The following AMD1 variants were observed in gnomAD, a reference collection of about 807,000 sequenced individuals.
AMD1 encodes S-adenosylmethionine decarboxylase proenzyme.
A neutral mutation model predicts 40.2 loss-of-function variants in AMD1; 11 were observed. The observed-to-expected ratio is 0.27, with a 90% CI of 0.17 to 0.45. The LOEUF is 0.45. Ranked by LOEUF, AMD1 falls within the 20% of genes least tolerant of loss-of-function variation. The pLI is 1.00. For synonymous variants in AMD1, 121 were observed against 130.8 expected (o/e 0.93, Z 0.51); for missense variants, 257 against 410.2 (o/e 0.63, Z 3.23).
At chr6:110,814,853 G>C in the AMD1 span, 2 of 951,986 alleles carry the variant, frequency 2.1e-6, no homozygotes, top group Non-Finnish European at 1.6e-6. Flanking sequence ...CGGGCGGAAC[G>C]GGCGCCCCTC....
chr6:110,889,687 T>A (rs2665362), intron 3 of AMD1: 140,013 of 152,320 alleles, frequency 0.92, 64,649 homozygotes, highest in African/African-American at 0.98. Context: ...ACCTCAGGTG[T>A]TCCACCCACC....
the AMD1 span, among the ~76,000 whole-genome samples, chr6:110,856,842 T>G: frequency 0.01 from 1,526 of 152,242 alleles, 28 homozygotes; most frequent in African/African-American, 0.035. Context: ...GATTTGTGTG[T>G]GGCACATATA....
chr6:110,889,114 C>T (rs1785870847), intron 3 of AMD1, 131 bp downstream of exon 3: 3 of 1,033,112 alleles, frequency 2.9e-6, no homozygotes, highest in Non-Finnish European at 2.7e-6. Context: ...GTAAGGTGTT[C>T]ATACCTTAGG....
the AMD1 span, chr6:110,814,911 T>C: frequency 6.5e-7 from 1 of 1,531,172 alleles, no homozygotes; most frequent in Non-Finnish European, 8.9e-7. Flanking sequence ...GCCTCGCCCC[T>C]CGGGCACGGC....
chr6:110,880,097 A>G (rs1785320218), intron 1 of AMD1, among the ~76,000 whole-genome samples: 1 of 152,068 alleles, frequency 6.6e-6, no homozygotes, highest in Admixed American at 6.6e-5. Flanking sequence ...TGGGTACTAC[A>G]GGTATGCACC....
chr6:110,888,777 A>G, intron 2 of AMD1, 80 bp from the exon 3 acceptor site: 1 of 1,422,574 alleles, frequency 7.0e-7, no homozygotes, highest in South Asian at 1.4e-5. Flanking sequence ...CCAAAATTGT[A>G]AATGATAATT....
the AMD1 span, among the ~76,000 whole-genome samples, chr6:110,837,642 C>G: frequency 7.5e-6 from 1 of 133,680 alleles, no homozygotes; most frequent in African/African-American, 2.8e-5. Flanking sequence ...ACTCAGGAGG[C>G]GGAGGTTGCA....
the AMD1 span, among the ~76,000 whole-genome samples, chr6:110,839,891 G>A: frequency 3.9e-5 from 6 of 152,086 alleles, no homozygotes; most frequent in African/African-American, 1.4e-4. Flanking sequence ...AACATGGCTG[G>A]GAAATGAGGT....
At chr6:110,875,316 G>T (rs1216687131) in intron 1 of AMD1, 101 bp downstream of exon 1, 1 of 998,682 alleles carries the variant, frequency 1.0e-6, no homozygotes, top group Non-Finnish European at 1.5e-6. Flanking sequence ...GCTTTCAGTT[G>T]GGGGCAAGTC....
intron 1 of AMD1, among the ~76,000 whole-genome samples, chr6:110,875,791 A>G (rs539099741): frequency 6.6e-6 from 1 of 151,706 alleles, no homozygotes; most frequent in East Asian, 2.0e-4. Flanking sequence ...CGCGGGCAGC[A>G]TGTGGCGTTC....
chr6:110,892,154 T>C lies in AMD1; in HGVS notation c.428-7T>C. 1.9e-6 allele frequency: 3 copies of C among 1,613,522 alleles called. No homozygotes were observed. In the South Asian group the frequency reaches 3.3e-5, roughly 18 times the overall value. On this transcript the variant is annotated splice_polypyrimidine_tract_variant and splice_region_variant and intron_variant, in intron 4 of 8. Coordinates refer to ENST00000368885, the MANE Select transcript of AMD1 (RefSeq NM_001634.6). The stretch of plus-strand genomic sequence containing the variant: ...TATATTTATTTTGCGTTCTCTTCCC[T>C]CAACAGATGGAGCAGCATATTGTAT...
chr6:110,816,047 C>G, the AMD1 span: 1 of 152,194 alleles, frequency 6.6e-6, no homozygotes, highest in Non-Finnish European at 1.5e-5. Flanking sequence ...ATAGGTTGAT[C>G]TTTTTTCTTT....
the AMD1 span, chr6:110,863,866 A>G: frequency 2.2e-6 from 1 of 448,780 alleles, no homozygotes; most frequent in Non-Finnish European, 4.4e-6. Context: ...GACAATAGCC[A>G]AGAACAAATA....
chr6:110,847,247 C>T, the AMD1 span, among the ~76,000 whole-genome samples: 9 of 152,010 alleles, frequency 5.9e-5, no homozygotes, highest in Admixed American at 2.6e-4. Context: ...TTCTAAAGAC[C>T]GGGCACAGTG....
the AMD1 span, among the ~76,000 whole-genome samples, chr6:110,867,105 G>A: frequency 9.4e-3 from 1,425 of 151,690 alleles, 20 homozygotes; most frequent in African/African-American, 0.033. Flanking sequence ...GAGCCACCGG[G>A]CCTGGCCCAA....
At chr6:110,828,986 A>G in the AMD1 span, among the ~76,000 whole-genome samples, 1 of 152,186 alleles carries the variant, frequency 6.6e-6, no homozygotes, top group Non-Finnish European at 1.5e-5. Flanking sequence ...CCTGGCCAAC[A>G]TGGTGAAACC....
the AMD1 span, among the ~76,000 whole-genome samples, chr6:110,834,207 C>G: frequency 6.6e-6 from 1 of 152,072 alleles, no homozygotes; most frequent in Non-Finnish European, 1.5e-5. Flanking sequence ...TACATGATAA[C>G]TCATGCCTAT....
At chr6:110,844,520 G>A in the AMD1 span, among the ~76,000 whole-genome samples, 7 of 151,922 alleles carry the variant, frequency 4.6e-5, no homozygotes, top group Non-Finnish European at 7.4e-5. Flanking sequence ...GGTGGCTCAC[G>A]CCTGTAATCC....
chr6:110,823,351 A>G, the AMD1 span, among the ~76,000 whole-genome samples: 1 of 152,192 alleles, frequency 6.6e-6, no homozygotes, highest in East Asian at 1.9e-4. Context: ...CTTCTACTCA[A>G]CGTAGTACTG....
Sources: allele counts gnomAD v4.1 joint callset (sites outside exome capture counted in the v4.1 genomes callset), GRCh38; gene constraint gnomAD v4.1.1; transcripts MANE v1.5; gene names NCBI Gene and HGNC (gene_info 2026-07-23, HGNC 2026-07-21).